Variants in COBL observed in about 807,000 individuals in gnomAD.
The protein encoded by COBL is protein cordon-bleu.
A neutral mutation model predicts 98.8 loss-of-function variants in COBL; 51 were observed. That is an observed-to-expected ratio of 0.52 (90% CI 0.41 to 0.65). The LOEUF (loss-of-function observed/expected upper bound fraction) is 0.65, where lower values mean the gene tolerates loss of function less well. COBL is among the 30% of genes least tolerant of loss of function. The pLI is 0.00. For missense variants in COBL, 1,617 were observed against 1,617.5 expected (o/e 1.00, Z 0.01); for synonymous variants, 634 against 651.7 (o/e 0.97, Z 0.41).
rs544608874 is a variant in COBL, at chr7:51,040,269, C to A, written c.1406+3114G>T. Among the ~76,000 whole-genome samples the A allele has an allele frequency of 1.8e-4, 26 of 147,168 alleles. 1 individual carries two copies. In the South Asian group the frequency reaches 4.8e-3, roughly 27 times the overall value. On this transcript the variant is annotated intron_variant, in intron 8 of 12. Transcript: ENST00000265136. ...ATGAAATCCCCCCTCCCCTCAAAAA[C>A]ACACACACACACACACAAAACTATA...
At chr7:51,161,609 A>C (rs1786812379) in intron 5 of COBL, among the ~76,000 whole-genome samples, 1 of 151,406 alleles carries the variant, frequency 6.6e-6, no homozygotes, top group African/African-American at 2.4e-5. Flanking sequence ...ATGTCTCCAG[A>C]CAGGTTTATT....
At chr7:51,066,077 T>G (rs1255930983) in intron 7 of COBL, among the ~76,000 whole-genome samples, 1 of 152,224 alleles carries the variant, frequency 6.6e-6, no homozygotes, top group Non-Finnish European at 1.5e-5. Flanking sequence ...CAGACTAACA[T>G]ATCAGTGCAC....
chr7:51,091,985 C>G (rs1794852854), intron 6 of COBL, among the ~76,000 whole-genome samples: 1 of 152,188 alleles, frequency 6.6e-6, no homozygotes, highest in Non-Finnish European at 1.5e-5. Flanking sequence ...GGGCCACAGA[C>G]CAGTACCAAT....
At chr7:51,212,915 A>G (rs1281169447) in intron 2 of COBL, among the ~76,000 whole-genome samples, 1 of 152,252 alleles carries the variant, frequency 6.6e-6, no homozygotes, top group East Asian at 1.9e-4. Context: ...GAGAATTGCT[A>G]GACTCTAAGT....
At chr7:51,192,435 T>C (rs558930319) in intron 3 of COBL, among the ~76,000 whole-genome samples, 2 of 152,154 alleles carry the variant, frequency 1.3e-5, no homozygotes, top group Non-Finnish European at 2.9e-5. Flanking sequence ...TGGTGAAACC[T>C]TGTCTCTACT....
chr7:51,029,694 T>C, intron 9 of COBL, 103 bp from the exon 10 acceptor site: 3 of 928,548 alleles, frequency 3.2e-6, no homozygotes, highest in South Asian at 1.7e-5. Flanking sequence ...TTTGAATACA[T>C]TATTTATATA....
chr7:51,299,100 C>T (rs867606442), intron 1 of COBL, among the ~76,000 whole-genome samples: 2 of 152,288 alleles, frequency 1.3e-5, no homozygotes, highest in South Asian at 2.1e-4. Flanking sequence ...TGCCCTTAGG[C>T]CAGACAGGCT....
chr7:51,021,891 G>C (rs1588236012), intron 12 of COBL, among the ~76,000 whole-genome samples: 1 of 152,330 alleles, frequency 6.6e-6, no homozygotes, highest in Non-Finnish European at 1.5e-5. Context: ...CAAACTTCTA[G>C]GAAATGCAGT....
At position 51,050,830 on chromosome 7, in the gene COBL, A is replaced by G. The variant is rs185341560; in HGVS notation, c.1097-7138T>C. Among the ~76,000 whole-genome samples, 501 of 152,338 alleles carry G rather than the reference A, an allele frequency of 3.3e-3. 13 individuals are homozygous for G. The South Asian group carries it at 0.044, about 13-fold the overall frequency. On this transcript the variant is annotated intron_variant, in intron 7 of 12. Coordinates refer to ENST00000265136, the MANE Select transcript of COBL (RefSeq NM_015198.5). The stretch of plus-strand genomic sequence containing the variant: ...TAAAAAATCGCCACAAAACCCAATT[A>G]TGCATAACTGGTCAAGACATACTTC...
rs61184460 is a variant in COBL, at chr7:51,141,434, G to A, written c.784-5103C>T. ...TGATGGTGAGAAAAACTGAGGCCCA[G>A]ACAGAGCTACTCAAGATGGCTCTGT... On this transcript the variant is annotated intron_variant, in intron 5 of 12. Transcript: ENST00000265136. 6.4e-3 allele frequency among the ~76,000 whole-genome samples: 975 copies of A among 152,268 alleles called. 7 individuals are homozygous for A. The highest frequency in any genetic ancestry group is 0.023 in the African/African-American group (937 of 41,554).
At chr7:51,176,258 G>A (rs1475699545) in intron 5 of COBL, among the ~76,000 whole-genome samples, 1 of 152,082 alleles carries the variant, frequency 6.6e-6, no homozygotes, top group Non-Finnish European at 1.5e-5. Context: ...TGGTTTAAAA[G>A]AGGAAAAAAT....
At chr7:51,213,273 C>T (rs776988025) in intron 2 of COBL, among the ~76,000 whole-genome samples, 10 of 152,186 alleles carry the variant, frequency 6.6e-5, no homozygotes, top group Non-Finnish European at 1.5e-4. Context: ...GAAGCCAGGT[C>T]GCACAGCAGG....
intron 7 of COBL, among the ~76,000 whole-genome samples, chr7:51,060,770 A>G (rs1791271966): frequency 6.6e-6 from 1 of 152,162 alleles, no homozygotes; most frequent in Non-Finnish European, 1.5e-5. Context: ...GGGGCACAAC[A>G]ATGATTCCAC....
intron 5 of COBL, among the ~76,000 whole-genome samples, chr7:51,160,486 T>C (rs942573708): frequency 1.3e-5 from 2 of 152,224 alleles, no homozygotes; most frequent in Non-Finnish European, 2.9e-5. Context: ...GCTTTTGGGA[T>C]AAAGTGACTT....
At chr7:51,282,236 G>A (rs1407395610) in intron 1 of COBL, among the ~76,000 whole-genome samples, 21 of 152,064 alleles carry the variant, frequency 1.4e-4, no homozygotes, top group Non-Finnish European at 2.5e-4. Context: ...ATGATTTGAT[G>A]TAACGTAATA....
intron 5 of COBL, among the ~76,000 whole-genome samples, chr7:51,170,528 T>TAA (rs1165114358): frequency 7.0e-6 from 1 of 142,726 alleles, no homozygotes; most frequent in Non-Finnish European, 1.5e-5. Context: ...TATATATATA[T>TAA]ATAAATATAT....
chr7:51,208,403 CCGCCCGGCCAGCCGCCCCG>C (rs1792025574), intron 2 of COBL, among the ~76,000 whole-genome samples: 1 of 134,242 alleles, frequency 7.4e-6, no homozygotes, highest in African/African-American at 2.5e-5. Context: ...GGTCAGCCCC[CCGCCCGGCCAGCCGCCCCG>C]TCCGGGAGGG....
chr7:51,193,293 A>T, intron 3 of COBL, 86 bp downstream of exon 3: 1 of 1,207,564 alleles, frequency 8.3e-7, no homozygotes, highest in Non-Finnish European at 1.2e-6. Flanking sequence ...TCTGCACTGT[A>T]CTTTGATAAG....
chr7:51,198,339 T>C (rs990805886), intron 2 of COBL, among the ~76,000 whole-genome samples: 2 of 152,206 alleles, frequency 1.3e-5, no homozygotes, highest in African/African-American at 4.8e-5. Context: ...TGGCCCCCAA[T>C]CTCTTTTGGC....
Sources: gnomAD v4.1 joint callset for allele counts (sites outside exome capture counted in the v4.1 genomes callset) on GRCh38, gnomAD v4.1.1 for gene constraint, MANE v1.5 for transcripts, NCBI Gene and HGNC (gene_info 2026-07-23, HGNC 2026-07-21) for gene names.